Variants in GPR153 observed in about 807,000 individuals in gnomAD.
The protein encoded by GPR153 is probable G protein-coupled receptor 153.
A neutral mutation model predicts 34.1 loss-of-function variants in GPR153; 27 were observed. That is an observed-to-expected ratio of 0.79 (90% CI 0.58 to 1.09). GPR153 has a LOEUF of 1.09. GPR153 is among the 50% of genes least tolerant of loss of function. The probability of loss-of-function intolerance (pLI) is 0.00; values close to 1 mark genes in which losing one functional copy is unlikely to be tolerated. For missense variants in GPR153, 848 were observed against 860.2 expected, an observed-to-expected ratio of 0.99 and a Z score of 0.18; for synonymous variants, 408 against 405.4, an observed-to-expected ratio of 1.01 and a Z score of -0.08.
rs369064092 is a variant in GPR153 at position 6,250,433 on chromosome 1, C to T, written c.1164+7G>A. On this transcript the variant is annotated splice_region_variant and intron_variant, in intron 5 of 5. Coordinates refer to ENST00000377893, the MANE Select transcript of GPR153 (RefSeq NM_207370.4). ...AGGTGCGGCCTCTCCCCCAGCCCTGCGCTCACCTGCAGGTATTGCATCTTG... is the reference window on the plus strand; with the variant it reads ...AGGTGCGGCCTCTCCCCCAGCCCTGTGCTCACCTGCAGGTATTGCATCTTG... 821 of 1,575,696 alleles carry T rather than the reference C, an allele frequency of 5.2e-4. 5 individuals carry two copies. The South Asian group carries it at 7.9e-3, about 15-fold the overall frequency.
Position 6,251,636 on chromosome 1 carries a change from T to A in GPR153, c.787-106A>T. ...GTGTACGGCAGGTCTGACAGGTGGG[T>A]ATCTGCCAAGGAGAAGGGGCCCTTG... On this transcript the variant is annotated intron_variant, in intron 3 of 5. Transcript: ENST00000377893. The surrounding 1 kb of genome is among the most constrained non-coding windows in gnomAD (Gnocchi z 4.9). 7.9e-7 allele frequency: 1 copy of A among 1,258,718 alleles called. No individual in the cohort carries two copies. The allele number at this position is 1,258,718 out of a possible 1,614,324, so 78.0% of individuals were successfully genotyped here. A position where few individuals can be genotyped will look rare whatever the true frequency, so the allele number is the denominator to read the frequency against.
rs961882453 is a variant in GPR153 at position 6,253,699 on chromosome 1, A to T, written c.786+19T>A. On this transcript the variant is annotated intron_variant, in intron 3 of 5. Transcript: ENST00000377893. ...GGCTGTCCCAGAGACAGGCCCCTCT[A>T]CCCGACGCCGTCACCCACCAGCACA... 6.6e-7 allele frequency: 1 copy of T among 1,515,142 alleles called. No homozygotes were observed. Among genetic ancestry groups the T allele is most frequent in the African/African-American group, 1.4e-5 (1 of 71,588 alleles). 93.9% of individuals were successfully genotyped at this position (1,515,142 alleles called of 1,614,324 possible).
Position 6,249,291 on chromosome 1 carries a change from G to A in GPR153, c.*47C>T, listed in dbSNP as rs531058786. ...GGGCGTCTTTGGTGCTGCGGCCCCGGAGAGCGGCCTGGCCTGCCTGGCGTC... is the reference window on the plus strand; with the variant it reads ...GGGCGTCTTTGGTGCTGCGGCCCCGAAGAGCGGCCTGGCCTGCCTGGCGTC... On this transcript the variant is annotated 3_prime_UTR_variant, in exon 6 of 6. Transcript: ENST00000377893. This position sits in a 1 kb window ranked among gnomAD's most constrained non-coding sequence, Gnocchi z 4.3. 1.4e-4 allele frequency: 165 copies of A among 1,221,778 alleles called. No homozygotes were observed. The African/African-American group carries it at 1.8e-3, about 13-fold the overall frequency. The allele number at this position is 1,221,778 out of a possible 1,614,324, so 75.7% of individuals were successfully genotyped here.
Position 6,253,706 on chromosome 1 carries a change from G to A in GPR153, c.786+12C>T, listed in dbSNP as rs776072994. On this transcript the variant is annotated intron_variant, in intron 3 of 5. Transcript: ENST00000377893. ...CCAGAGACAGGCCCCTCTACCCGAC[G>A]CCGTCACCCACCAGCACAGGGAAGC... 2.0e-5 allele frequency: 31 copies of A among 1,515,450 alleles called. No homozygotes were observed. Among genetic ancestry groups the A allele is most frequent in the South Asian group, 1.5e-4 (11 of 75,000 alleles). 93.9% of individuals were successfully genotyped at this position (1,515,450 alleles called of 1,614,324 possible).
chr1:6,252,535 C>T (rs1449359244), intron 3 of GPR153, among the ~76,000 whole-genome samples: 3 of 152,152 alleles, frequency 2.0e-5, no homozygotes, highest in Admixed American at 2.0e-4. Flanking sequence ...GGACCCTTAG[C>T]TGGGGAGAAC....
At chr1:6,259,487 G>A (rs1307218346) in intron 1 of GPR153, among the ~76,000 whole-genome samples, 2 of 132,310 alleles carry the variant, frequency 1.5e-5, no homozygotes, top group East Asian at 2.1e-4. Flanking sequence ...AAAATGTTGG[G>A]GAAAAGGGCA....
intron 1 of GPR153, among the ~76,000 whole-genome samples, chr1:6,260,555 C>G (rs1638653548): frequency 6.6e-6 from 1 of 151,754 alleles, no homozygotes; most frequent in Admixed American, 6.5e-5. Context: ...GGCTCAGGAT[C>G]CCCAGACCGC....
intron 3 of GPR153, among the ~76,000 whole-genome samples, 195 bp downstream of exon 3, chr1:6,253,523 C>T (rs1349227278): frequency 6.6e-6 from 1 of 152,210 alleles, no homozygotes. Context: ...GGGTTCAAGT[C>T]CCACCAGGCT....
At position 6,250,454 on chromosome 1, in the gene GPR153, T is replaced by C. The variant is rs1638419061; in HGVS notation, c.1150A>G (p.Met384Val). Residue 384 changes from methionine to valine, a missense_variant, in exon 5 of 6, where the codon ATG (methionine) becomes GTG (valine). Met to Val is a conservative substitution (Grantham distance 21). Transcript: ENST00000377893. ...YPLRPLQEDKMQYLQVPPTRR... is the reference protein window; with the variant it reads ...YPLRPLQEDKVQYLQVPPTRR... ...CCTGCGCTCACCTGCAGGTATTGCA[T>C]CTTGTCCTCCTGCAAGGGCCGCAGT... 5.6e-6 allele frequency: 9 copies of C among 1,601,972 alleles called. No individual in the cohort carries two copies. Among genetic ancestry groups the C allele is most frequent in the South Asian group, 1.1e-5 (1 of 88,684 alleles).
chr1:6,249,198 C>G lies in GPR153; in HGVS notation c.*140G>C. On this transcript the variant is annotated 3_prime_UTR_variant, in exon 6 of 6. Transcript: ENST00000377893. This position sits in a 1 kb window ranked among gnomAD's most constrained non-coding sequence, Gnocchi z 4.3. ...AGGCCAGCTGGGAGGAGCCGGAAGA[C>G]AAACGCTGAGGCCAACGCCCCCTCA... 1 of 608,582 alleles carries G rather than the reference C, an allele frequency of 1.6e-6. No homozygotes were observed. The highest frequency in any genetic ancestry group is 2.4e-6 in the Non-Finnish European group (1 of 421,340). The allele number at this position is 608,582 out of a possible 1,614,324, so 37.7% of individuals were successfully genotyped here. A position where few individuals can be genotyped will look rare whatever the true frequency, so the allele number is the denominator to read the frequency against.
intron 1 of GPR153, among the ~76,000 whole-genome samples, chr1:6,257,230 G>A (rs1032614243): frequency 2.6e-5 from 4 of 152,190 alleles, no homozygotes; most frequent in Non-Finnish European, 4.4e-5. Flanking sequence ...CATCTCTGAC[G>A]TACTTGCCTT....
intron 1 of GPR153, 94 bp from the exon 2 acceptor site, chr1:6,255,108 C>T (rs956769964): frequency 1.7e-5 from 8 of 462,902 alleles, no homozygotes; most frequent in Non-Finnish European, 2.6e-5. Flanking sequence ...GCGAGCGCTA[C>T]ACTTTGAATG....
chr1:6,250,387 T>G, intron 5 of GPR153, 53 bp downstream of exon 5: 1 of 1,515,002 alleles, frequency 6.6e-7, no homozygotes, highest in South Asian at 1.3e-5. Context: ...CTCGGGGAGC[T>G]CAGGACACCC....
chr1:6,260,388 C>CAG (rs1445908544), intron 1 of GPR153, among the ~76,000 whole-genome samples: 1 of 143,230 alleles, frequency 7.0e-6, no homozygotes, highest in African/African-American at 2.8e-5. Context: ...CCCCCCCCCC[C>CAG]CCGCAATCCC....
intron 1 of GPR153, among the ~76,000 whole-genome samples, chr1:6,257,968 G>C (rs777292446): frequency 6.6e-6 from 1 of 152,208 alleles, no homozygotes; most frequent in Non-Finnish European, 1.5e-5. Flanking sequence ...CTCATGCCCC[G>C]GTCCTTATGG....
intron 5 of GPR153, 41 bp downstream of exon 5, chr1:6,250,399 G>A (rs904381527): frequency 9.2e-6 from 14 of 1,527,724 alleles, no homozygotes; most frequent in Non-Finnish European, 1.2e-5. Flanking sequence ...AGGACACCCT[G>A]TCACCCGCAG....
At chr1:6,257,983 C>T (rs1638599410) in intron 1 of GPR153, among the ~76,000 whole-genome samples, 1 of 152,206 alleles carries the variant, frequency 6.6e-6, no homozygotes, top group Non-Finnish European at 1.5e-5. Context: ...TTATGGGCAT[C>T]TATAGTACCA....
In GPR153 at chr1:6,251,420, G is replaced by A. The variant is rs1638445878; in HGVS notation, c.897C>T (p.Ala299=). Residue 299 remains alanine, a synonymous_variant, in exon 4 of 6, where the codon GCC becomes GCT. Transcript: ENST00000377893. The surrounding 1 kb of genome is among the most constrained non-coding windows in gnomAD (Gnocchi z 4.9). The part of the protein sequence containing the change: ...QALLLPVFLW[A]CDRYRADLKA... ...TGAGGTCAGCCCGGTAGCGGTCGCA[G>A]GCCCAGAGGAACACAGGCAGCAGCA... 2.3e-5 allele frequency: 37 copies of A among 1,613,600 alleles called. No homozygotes were observed. The highest frequency in any genetic ancestry group is 3.1e-5 in the Non-Finnish European group (37 of 1,179,964).
Position 6,250,480 on chromosome 1 carries a change from G to C in GPR153, c.1124C>G (p.Pro375Arg), listed in dbSNP as rs779675288. The change falls in exon 5 of 6, where the codon CCA (proline) becomes CGA (arginine). Residue 375 changes from proline (P) to arginine (R), a missense_variant. By Grantham distance (103) the Pro-to-Arg change is moderately radical (BLOSUM62 -2). Transcript: ENST00000377893. ...CTTGTCCTCCTGCAAGGGCCGCAGT[G>C]GGTAGAGCTGGGGCAGGCCCCCCTC... The part of the protein sequence containing the change: ...ALEGGLPQLY[P>R]LRPLQEDKMQ... 1 of 1,609,778 alleles carries C rather than the reference G, an allele frequency of 6.2e-7. No individual in the cohort carries two copies. The highest frequency in any genetic ancestry group is 8.5e-7 in the Non-Finnish European group (1 of 1,178,504).
Sources: gnomAD v4.1 joint callset for allele counts (sites outside exome capture counted in the v4.1 genomes callset) on GRCh38, gnomAD v4.1.1 for gene constraint, Gnocchi (gnomAD v3.1) non-coding constraint, MANE v1.5 for transcripts, NCBI Gene and HGNC (gene_info 2026-07-23, HGNC 2026-07-21) for gene names.